SMYD3: variants seen among roughly 807,000 people sequenced by gnomAD.
SMYD3 encodes the protein histone-lysine N-methyltransferase SMYD3.
In SMYD3, 36 loss-of-function variants were observed where a neutral mutation model predicts 57.7. The ratio of observed to expected loss-of-function variants is 0.62; its 90% CI spans 0.48 to 0.82. The LOEUF is 0.82. SMYD3 is among the 40% of genes least tolerant of loss of function. The pLI is 0.00. For synonymous variants in SMYD3, 211 were observed against 195.0 expected, an observed-to-expected ratio of 1.08 and a Z score of -0.68; for missense variants, 515 against 538.8, an observed-to-expected ratio of 0.96 and a Z score of 0.44.
At position 246,024,064 on chromosome 1, in the gene SMYD3, C is replaced by T. The variant is rs12354297; in HGVS notation, c.532-94127G>A. Among the ~76,000 whole-genome samples, 676 of 152,148 alleles carry T rather than the reference C, an allele frequency of 4.4e-3. 3 individuals carry two copies. Among genetic ancestry groups the T allele is most frequent in the African/African-American group, 0.016 (645 of 41,494 alleles). ...ACTGAATTTACAGCAAATGTCCTGG[C>T]CAGGTAACCTAGAGGTCAAATTGAG... On this transcript the variant is annotated intron_variant, in intron 5 of 11. Transcript: ENST00000490107.
At chr1:246,504,120 C>T (rs767071814) in intron 1 of SMYD3, among the ~76,000 whole-genome samples, 2 of 152,190 alleles carry the variant, frequency 1.3e-5, no homozygotes, top group Non-Finnish European at 2.9e-5. Context: ...GAAGCAGGTT[C>T]ACCTTTCTCC....
chr1:246,037,927 T>C (rs1188632135), intron 5 of SMYD3, among the ~76,000 whole-genome samples: 2 of 152,222 alleles, frequency 1.3e-5, no homozygotes, highest in African/African-American at 4.8e-5. Context: ...TAATAAATAC[T>C]GTTGGTTTTG....
chr1:246,350,973 C>T, intron 2 of SMYD3, among the ~76,000 whole-genome samples: 1 of 152,160 alleles, frequency 6.6e-6, no homozygotes, highest in East Asian at 1.9e-4. Flanking sequence ...CAGTTTCAGG[C>T]CGAATTTATG....
intron 10 of SMYD3, among the ~76,000 whole-genome samples, chr1:245,826,305 G>A (rs77373849): frequency 0.022 from 3,333 of 152,042 alleles, 121 homozygotes; most frequent in African/African-American, 0.071. Flanking sequence ...TCTTTTTGTG[G>A]CTGACTTCAC....
At chr1:246,066,267 A>G (rs1336086671) in intron 5 of SMYD3, among the ~76,000 whole-genome samples, 1 of 152,216 alleles carries the variant, frequency 6.6e-6, no homozygotes. Flanking sequence ...CCGGGCTAAT[A>G]AAAGGCAGCT....
intron 10 of SMYD3, among the ~76,000 whole-genome samples, chr1:245,815,975 T>C (rs985910837): frequency 1.3e-5 from 2 of 152,146 alleles, no homozygotes; most frequent in Admixed American, 6.5e-5. Flanking sequence ...TCACCTTCTG[T>C]AGGTGAGTAG....
At chr1:246,416,276 T>C (rs1033528515) in intron 1 of SMYD3, among the ~76,000 whole-genome samples, 4 of 152,184 alleles carry the variant, frequency 2.6e-5, no homozygotes, top group Admixed American at 1.3e-4. Context: ...AATCAATTTA[T>C]AGGTTGGAAC....
chr1:246,315,449 C>T (rs965017855), intron 5 of SMYD3, among the ~76,000 whole-genome samples: 2 of 152,284 alleles, frequency 1.3e-5, no homozygotes, highest in South Asian at 4.1e-4. Context: ...GGAAGATAAA[C>T]TACACCCTTC....
At chr1:246,104,865 G>A (rs529868739) in intron 5 of SMYD3, among the ~76,000 whole-genome samples, 1 of 151,996 alleles carries the variant, frequency 6.6e-6, no homozygotes, top group Non-Finnish European at 1.5e-5. Flanking sequence ...TTTTTAAATA[G>A]GCTACTGTCA....
intron 1 of SMYD3, among the ~76,000 whole-genome samples, chr1:246,357,899 C>T (rs966451195): frequency 3.3e-5 from 5 of 151,922 alleles, no homozygotes; most frequent in African/African-American, 1.2e-4. Flanking sequence ...AACAATAACA[C>T]AATAAAAAAA....
At chr1:246,313,395 C>G (rs2065109344) in intron 5 of SMYD3, among the ~76,000 whole-genome samples, 1 of 152,182 alleles carries the variant, frequency 6.6e-6, no homozygotes, top group Non-Finnish European at 1.5e-5. Flanking sequence ...GGACACCAAC[C>G]AGCAAGTCAC....
At chr1:245,807,813 G>GGA (rs1553328805) in intron 10 of SMYD3, among the ~76,000 whole-genome samples, 2,047 of 111,548 alleles carry the variant, frequency 0.018, 38 homozygotes, top group African/African-American at 0.063. Flanking sequence ...ATTTCCCAGG[G>GGA]AAAAAAAAAA....
chr1:245,907,766 T>C (rs1455968565), intron 8 of SMYD3, among the ~76,000 whole-genome samples: 4 of 152,070 alleles, frequency 2.6e-5, no homozygotes, highest in Non-Finnish European at 4.4e-5. Context: ...GCTGGATAGG[T>C]AGGAATAACA....
At chr1:246,249,211 C>A (rs1186111153) in intron 5 of SMYD3, among the ~76,000 whole-genome samples, 1 of 151,922 alleles carries the variant, frequency 6.6e-6, no homozygotes, top group African/African-American at 2.4e-5. Context: ...TTAAGTGATT[C>A]TCCCGCCTCA....
rs979540647 is a variant in SMYD3 at position 246,037,232 on chromosome 1, C to G, written c.532-107295G>C. Among the ~76,000 whole-genome samples, 4 of 152,096 alleles carry G rather than the reference C, an allele frequency of 2.6e-5. No homozygotes were observed. In the South Asian group the frequency reaches 6.2e-4, roughly 24 times the overall value. On this transcript the variant is annotated intron_variant, in intron 5 of 11. Coordinates refer to ENST00000490107, the MANE Select transcript of SMYD3 (RefSeq NM_001167740.2). ...TTGAAAGATATTACCTTCATATATA[C>G]ATATCTGTATCTATATAGTACCTGT...
chr1:246,275,589 C>T (rs2064315349), intron 5 of SMYD3, among the ~76,000 whole-genome samples: 2 of 125,568 alleles, frequency 1.6e-5, no homozygotes, highest in South Asian at 3.6e-4. Flanking sequence ...GAGTCTGATG[C>T]CCATGTTTGA....
chr1:245,818,558 C>A (rs868619850), intron 10 of SMYD3, among the ~76,000 whole-genome samples: 4 of 151,700 alleles, frequency 2.6e-5, no homozygotes, highest in African/African-American at 7.3e-5. Context: ...TAACTTTAAA[C>A]GTAAATGGAC....
chr1:245,793,803 T>C (rs1263706421), intron 10 of SMYD3, among the ~76,000 whole-genome samples: 1 of 152,262 alleles, frequency 6.6e-6, no homozygotes, highest in Non-Finnish European at 1.5e-5. Context: ...ACCTGGTTCA[T>C]GCTTTCCTCT....
chr1:245,949,973 T>C (rs2057571372), intron 5 of SMYD3, among the ~76,000 whole-genome samples: 1 of 152,046 alleles, frequency 6.6e-6, no homozygotes, highest in Non-Finnish European at 1.5e-5. Flanking sequence ...AGTCACTGTC[T>C]GTGGAAGAGA....
Sources: gnomAD v4.1 joint callset for allele counts (sites outside exome capture counted in the v4.1 genomes callset) on GRCh38, gnomAD v4.1.1 for gene constraint, MANE v1.5 for transcripts, NCBI Gene and HGNC (gene_info 2026-07-23, HGNC 2026-07-21) for gene names.